Variants in PPIE observed in about 807,000 individuals in gnomAD.
The protein encoded by PPIE is peptidyl-prolyl cis-trans isomerase E.
In PPIE, 20 loss-of-function variants were observed where a neutral mutation model predicts 38.4. The ratio of observed to expected loss-of-function variants is 0.52; its 90% CI spans 0.37 to 0.76. The LOEUF (loss-of-function observed/expected upper bound fraction) is 0.76, where lower values mean the gene tolerates loss of function less well. Ranked by LOEUF, PPIE falls within the 30% of genes least tolerant of loss-of-function variation. The pLI is 0.00. For synonymous variants in PPIE, 142 were observed against 135.7 expected, an observed-to-expected ratio of 1.05 and a Z score of -0.32; for missense variants, 322 against 385.8, an observed-to-expected ratio of 0.83 and a Z score of 1.39.
chr1:39,745,711 T>C (rs970266551), intron 7 of PPIE: 6 of 599,282 alleles, frequency 1.0e-5, no homozygotes, highest in African/African-American at 3.7e-5. Flanking sequence ...TTTAATCGTT[T>C]TTTAAAAATA....
chr1:39,763,054 C>A, intron 9 of PPIE: 1 of 1,606,204 alleles, frequency 6.2e-7, no homozygotes, highest in Non-Finnish European at 8.5e-7. Context: ...CAGGGCCCCC[C>A]ACCCCAGGGG....
At chr1:39,743,778 C>A in intron 5 of PPIE, 46 bp from the exon 6 acceptor site, 1 of 1,530,246 alleles carries the variant, frequency 6.5e-7, no homozygotes, top group South Asian at 1.1e-5. Context: ...CTTTTCAGTT[C>A]AAGCTGACAG....
At chr1:39,759,964 C>T, downstream of PPIE, 1 of 173,748 alleles carries the variant, frequency 5.8e-6, no homozygotes, top group Non-Finnish European at 1.2e-5. Flanking sequence ...CAATGGGGAG[C>T]CAACCAGACC....
chr1:39,757,246 GTAA>G (rs1648378591), downstream of PPIE: 1 of 152,230 alleles, frequency 6.6e-6, no homozygotes, highest in Admixed American at 6.5e-5. Flanking sequence ...AAATTCATTT[GTAA>G]TAATACCAGC....
At chr1:39,760,268 G>T, downstream of PPIE, 1 of 1,274,316 alleles carries the variant, frequency 7.8e-7, no homozygotes, top group Non-Finnish European at 1.1e-6. Flanking sequence ...ATAGGAGCCT[G>T]GCATGAAGGA....
intron 9 of PPIE, chr1:39,763,003 C>A: frequency 6.7e-7 from 1 of 1,495,662 alleles, no homozygotes. Context: ...GAGCAGGTGG[C>A]CTCACTGCCC....
chr1:39,756,188 C>T lies in PPIE; in HGVS notation c.*2833C>T. 1 of 985,460 alleles carries T rather than the reference C, an allele frequency of 1.0e-6. No homozygotes were observed. Among genetic ancestry groups the T allele is most frequent in the South Asian group, 4.7e-5 (1 of 21,288 alleles). 61.0% of individuals were successfully genotyped at this position (985,460 alleles called of 1,614,324 possible). ...GGCTGCCTCGGGAAAACTCTGACCT[C>T]TCTGGGAAGTGGAGCCAGTGGCTCT... On this transcript the variant is annotated 3_prime_UTR_variant, in exon 10 of 10. Coordinates refer to ENST00000324379, the MANE Select transcript of PPIE (RefSeq NM_006112.4).
At chr1:39,746,692 C>T (rs867360742) in intron 7 of PPIE, 1 of 152,214 alleles carries the variant, frequency 6.6e-6, no homozygotes, top group Non-Finnish European at 1.5e-5. Context: ...TTCCTCTGAG[C>T]TTTTGGAGTG....
chr1:39,753,359 G>T lies in PPIE; in HGVS notation c.*4G>T. 3 of 1,613,658 alleles carry T rather than the reference G, an allele frequency of 1.9e-6. No individual in the cohort carries two copies. The highest frequency in any genetic ancestry group is 2.5e-6 in the Non-Finnish European group (3 of 1,179,704). On this transcript the variant is annotated 3_prime_UTR_variant, in exon 10 of 10. Transcript: ENST00000324379. ...CGACTGTGGGGAGTACGTGTGAGGC[G>T]GCACTCTCTCTGCTTCCCCCTCCGC...
chr1:39,743,726 C>T, intron 5 of PPIE, 98 bp from the exon 6 acceptor site: 1 of 920,052 alleles, frequency 1.1e-6, no homozygotes, highest in South Asian at 1.5e-5. Flanking sequence ...GTCTGGCATA[C>T]AGGCCACATA....
chr1:39,756,685 T>C lies in PPIE; in HGVS notation c.*3330T>C. ...TATATAGTACAGTGTGATCCCAATT[T>C]TGTAAAAATATCTGTAATATGTAAG... On this transcript the variant is annotated 3_prime_UTR_variant, in exon 10 of 10. Transcript: ENST00000324379. The C allele has an allele frequency of 1.1e-6, 1 of 874,710 alleles. No individual in the cohort carries two copies. Among genetic ancestry groups the C allele is most frequent in the Non-Finnish European group, 1.4e-6 (1 of 728,978 alleles). The allele number at this position is 874,710 out of a possible 1,614,324, so 54.2% of individuals were successfully genotyped here.
At chr1:39,742,980 G>T in intron 4 of PPIE, 1 of 434,992 alleles carries the variant, frequency 2.3e-6, no homozygotes, top group South Asian at 4.0e-5. Context: ...ATTTTGGAGT[G>T]TTCTGAACCC....
intron 9 of PPIE, chr1:39,763,669 G>A (rs774203801): frequency 6.4e-7 from 1 of 1,572,362 alleles, no homozygotes; most frequent in Non-Finnish European, 8.7e-7. Flanking sequence ...CTGATCTACA[G>A]GTGGTGATTG....
At chr1:39,739,234 A>G (rs947404106) in intron 1 of PPIE, 3 of 355,126 alleles carry the variant, frequency 8.4e-6, no homozygotes, top group African/African-American at 6.3e-5. Context: ...GTTATTTCAC[A>G]CCTTTGGGCC....
rs1276115752 is a variant in PPIE, at chr1:39,741,941, T to C, written c.201+20T>C. On this transcript the variant is annotated intron_variant, in intron 4 of 9. Transcript: ENST00000324379. ...AACATGGTATGGCTGGGAATCTTAATTCTAACTAAAGTTGCTTTTTGGTGG... is the reference window on the plus strand; with the variant it reads ...AACATGGTATGGCTGGGAATCTTAACTCTAACTAAAGTTGCTTTTTGGTGG... 1.9e-6 allele frequency: 3 copies of C among 1,614,048 alleles called. No individual in the cohort carries two copies. Among genetic ancestry groups the C allele is most frequent in the South Asian group, 1.1e-5 (1 of 91,092 alleles).
Position 39,753,846 on chromosome 1 carries a change from C to A in PPIE, c.*491C>A. ...CCCTTGGGCCGATCCCCTTAGATGT[C>A]AGGTGATGTATCTTCACACCAGGCA... On this transcript the variant is annotated 3_prime_UTR_variant, in exon 10 of 10. Coordinates refer to ENST00000324379, the MANE Select transcript of PPIE (RefSeq NM_006112.4). 1.0e-6 allele frequency: 1 copy of A among 986,852 alleles called. No homozygotes were observed. Among genetic ancestry groups the A allele is most frequent in the Non-Finnish European group, 1.2e-6 (1 of 830,984 alleles). The allele number at this position is 986,852 out of a possible 1,614,324, so 61.1% of individuals were successfully genotyped here. A position where few individuals can be genotyped will look rare whatever the true frequency, so the allele number is the denominator to read the frequency against.
At chr1:39,743,734 A>G (rs1014010437) in intron 5 of PPIE, 90 bp from the exon 6 acceptor site, 13 of 1,016,606 alleles carry the variant, frequency 1.3e-5, no homozygotes, top group African/African-American at 6.3e-5. Context: ...TACAGGCCAC[A>G]TAGCATCTTC....
At chr1:39,750,547 TC>T (rs1647615344) in intron 8 of PPIE, among the ~76,000 whole-genome samples, 1 of 152,236 alleles carries the variant, frequency 6.6e-6, no homozygotes, top group Non-Finnish European at 1.5e-5. Flanking sequence ...AGTGAGCAGT[TC>T]CTTTGAGTAT....
intron 8 of PPIE, among the ~76,000 whole-genome samples, chr1:39,750,562 A>G (rs11206754): frequency 0.32 from 48,417 of 152,126 alleles, 8,013 homozygotes; most frequent in South Asian, 0.41. Flanking sequence ...TGAGTATCAT[A>G]TCAGTGCTCG....
Sources: gnomAD v4.1 joint callset for allele counts (sites outside exome capture counted in the v4.1 genomes callset) on GRCh38, gnomAD v4.1.1 for gene constraint, MANE v1.5 for transcripts, NCBI Gene and HGNC (gene_info 2026-07-23, HGNC 2026-07-21) for gene names.